KAZN: variants seen among roughly 807,000 people sequenced by gnomAD.
KAZN encodes kazrin, periplakin interacting protein.
In KAZN, 40 loss-of-function variants were observed where a neutral mutation model predicts 87.4. That is an observed-to-expected ratio of 0.46 (90% CI 0.36 to 0.60). The LOEUF is 0.60. Among genes scored for constraint, KAZN ranks in the 20% least tolerant of loss-of-function variants. The pLI, the probability that KAZN is intolerant of heterozygous loss-of-function variation, is 0.00. For synonymous variants in KAZN, 466 were observed against 458.3 expected (o/e 1.02, Z -0.22); for missense variants, 898 against 1,073.9 (o/e 0.84, Z 2.29).
At chr1:13,958,026 T>C (rs1330031794) in intron 1 of KAZN, among the ~76,000 whole-genome samples, 1 of 152,228 alleles carries the variant, frequency 6.6e-6, no homozygotes, top group Non-Finnish European at 1.5e-5. Context: ...ATTCAGGTTA[T>C]TGAATAGGCA....
At chr1:14,598,272 G>A (rs148950658), upstream of KAZN, among the ~76,000 whole-genome samples, 287 of 152,264 alleles carry the variant, frequency 1.9e-3, 7 homozygotes, top group East Asian at 0.037. This position sits in a 1 kb window ranked among gnomAD's most constrained non-coding sequence, Gnocchi z 4.2. Context: ...TAAGGAACCG[G>A]TGGAGCACGA....
intron 1 of KAZN, among the ~76,000 whole-genome samples, chr1:14,872,735 C>T (rs1409287749): frequency 6.6e-6 from 1 of 152,104 alleles, no homozygotes; most frequent in Admixed American, 6.5e-5. Flanking sequence ...GAAATTATTG[C>T]ATGGATGGAT....
Position 14,752,913 on chromosome 1 carries a change from T to G in KAZN, c.226+153690T>G, listed in dbSNP as rs1181213492. On this transcript the variant is annotated intron_variant, in intron 1 of 14. Coordinates refer to ENST00000376030, the MANE Select transcript of KAZN (RefSeq NM_201628.3). Reference sequence around the variant, plus strand: ...CTGATCAGTTTCAGTGCAGCCCAGCTGTGCATTTGGACCACTCAGAGGTAA... The same window carrying G: ...CTGATCAGTTTCAGTGCAGCCCAGCGGTGCATTTGGACCACTCAGAGGTAA... Among the ~76,000 whole-genome samples the G allele has an allele frequency of 3.3e-5, 5 of 152,234 alleles. No homozygotes were observed. The East Asian group carries it at 9.6e-4, about 29-fold the overall frequency.
chr1:14,575,238 C>A (rs1456626191), intron 2 of KAZN, among the ~76,000 whole-genome samples: 1 of 151,784 alleles, frequency 6.6e-6, no homozygotes, highest in Non-Finnish European at 1.5e-5. Flanking sequence ...TTAGTCTGTT[C>A]TCATGCTGCT....
chr1:14,304,774 A>G (rs954750168), intron 2 of KAZN: 7 of 396,184 alleles, frequency 1.8e-5, no homozygotes, highest in African/African-American at 1.2e-4. Flanking sequence ...GCATGACATA[A>G]TTTACTTTTG....
Position 14,422,786 on chromosome 1 carries a change from A to G in KAZN, c.250-176197A>G, listed in dbSNP as rs375148137. ...GATGGCAGCTCATCTTTCTGGGGGC[A>G]ATGTGAACATTCTTAGACCATTGTC... On this transcript the variant is annotated intron_variant, in intron 2 of 16. Coordinates refer to the KAZN transcript ENST00000636203. Among the ~76,000 whole-genome samples the G allele has an allele frequency of 4.6e-5, 7 of 152,346 alleles. 1 individual carries two copies. Among genetic ancestry groups the G allele is most frequent in the East Asian group, 3.9e-4 (2 of 5,178 alleles).
chr1:14,885,147 C>T (rs188763578), intron 1 of KAZN, among the ~76,000 whole-genome samples: 221 of 152,318 alleles, frequency 1.5e-3, no homozygotes, highest in African/African-American at 4.9e-3. Context: ...ACATTACCTC[C>T]AGGTTCTCCT....
intron 13 of KAZN, among the ~76,000 whole-genome samples, chr1:15,106,760 AAGG>A (rs1256662474): frequency 6.6e-6 from 1 of 152,116 alleles, no homozygotes; most frequent in Non-Finnish European, 1.5e-5. Flanking sequence ...CAAAGGCGCC[AAGG>A]AGAAGTCTCT....
intron 1 of KAZN, among the ~76,000 whole-genome samples, chr1:14,175,019 G>T (rs1345223463): frequency 3.9e-5 from 6 of 152,216 alleles, no homozygotes; most frequent in Admixed American, 3.9e-4. Flanking sequence ...TCTCCCACGG[G>T]AGGGTCACTA....
At chr1:15,017,620 A>G (rs551548054) in intron 2 of KAZN, among the ~76,000 whole-genome samples, 30 of 152,300 alleles carry the variant, frequency 2.0e-4, no homozygotes, top group Admixed American at 1.5e-3. Flanking sequence ...CCTGGCCAAC[A>G]GGGTGAAACC....
chr1:14,738,358 C>T (rs903293507), intron 1 of KAZN, among the ~76,000 whole-genome samples: 3 of 151,934 alleles, frequency 2.0e-5, no homozygotes, highest in African/African-American at 4.8e-5. Flanking sequence ...CTTTGTGCAC[C>T]GTGGCGCAGA....
chr1:14,873,806 A>G (rs1021619401), intron 1 of KAZN, among the ~76,000 whole-genome samples: 7 of 152,158 alleles, frequency 4.6e-5, no homozygotes, highest in African/African-American at 1.7e-4. Flanking sequence ...CCAGGGAGAG[A>G]GCAGTGCAAA....
At chr1:14,082,966 C>T (rs755984059) in intron 1 of KAZN, among the ~76,000 whole-genome samples, 5 of 152,178 alleles carry the variant, frequency 3.3e-5, no homozygotes, top group East Asian at 3.9e-4. Context: ...GAGGCCGAGG[C>T]GGGTGGATCA....
rs567019050 is a variant in KAZN at position 14,388,151 on chromosome 1, C to G, written c.249+207559C>G. On this transcript the variant is annotated intron_variant, in intron 2 of 16. Coordinates refer to the KAZN transcript ENST00000636203. Reference sequence around the variant, plus strand: ...GATCCCTTGCGCTTCCCGAGTGAGGCAATGCCTCGCCCTGCTTCGGCTGGC... The same window carrying G: ...GATCCCTTGCGCTTCCCGAGTGAGGGAATGCCTCGCCCTGCTTCGGCTGGC... Among the ~76,000 whole-genome samples the G allele has an allele frequency of 2.7e-3, 414 of 152,290 alleles. 1 individual carries two copies. The highest frequency in any genetic ancestry group is 9.0e-3 in the African/African-American group (375 of 41,536).
At chr1:14,702,168 C>A (rs1641958798) in intron 1 of KAZN, among the ~76,000 whole-genome samples, 1 of 152,174 alleles carries the variant, frequency 6.6e-6, no homozygotes, top group South Asian at 2.1e-4. Context: ...TTGTTTACAT[C>A]TCATTTCTCT....
In KAZN at chr1:15,114,940, G is replaced by A. The variant is rs1011086665; in HGVS notation, c.*305G>A. 3.9e-5 allele frequency: 9 copies of A among 231,784 alleles called. No homozygotes were observed. The highest frequency in any genetic ancestry group is 5.1e-5 in the Non-Finnish European group (6 of 118,468). 14.4% of individuals were successfully genotyped at this position (231,784 alleles called of 1,614,324 possible). ...ACACAGGCTCCACCTCAGAGTGACCGTCACTGTGGAGCAGCCAAGCAGTCC... is the reference window on the plus strand; with the variant it reads ...ACACAGGCTCCACCTCAGAGTGACCATCACTGTGGAGCAGCCAAGCAGTCC... On this transcript the variant is annotated 3_prime_UTR_variant, in exon 15 of 15. Coordinates refer to ENST00000376030, the MANE Select transcript of KAZN (RefSeq NM_201628.3).
intron 1 of KAZN, among the ~76,000 whole-genome samples, chr1:14,060,286 C>G (rs1197463197): frequency 6.7e-6 from 1 of 149,646 alleles, no homozygotes; most frequent in African/African-American, 2.5e-5. Context: ...TGGCGTGAAA[C>G]CGGGAGGCGG....
At chr1:14,277,067 T>C (rs1652416158) in intron 2 of KAZN, among the ~76,000 whole-genome samples, 1 of 152,224 alleles carries the variant, frequency 6.6e-6, no homozygotes, top group Non-Finnish European at 1.5e-5. Context: ...AAACTTCCTC[T>C]TTTTCTTTCT....
intron 2 of KAZN, among the ~76,000 whole-genome samples, chr1:15,012,160 A>C (rs972821774): frequency 6.6e-6 from 1 of 151,230 alleles, no homozygotes; most frequent in Non-Finnish European, 1.5e-5. Flanking sequence ...AAATTAAGAC[A>C]CTCTCCCAAA....
Sources: gnomAD v4.1 joint callset for allele counts (sites outside exome capture counted in the v4.1 genomes callset) on GRCh38, gnomAD v4.1.1 for gene constraint, Gnocchi (gnomAD v3.1) non-coding constraint, MANE v1.5 for transcripts, NCBI Gene and HGNC (gene_info 2026-07-23, HGNC 2026-07-21) for gene names.